KDM4C: variants seen among roughly 807,000 people sequenced by gnomAD.
KDM4C encodes the protein lysine-specific demethylase 4C.
A neutral mutation model predicts 129.3 loss-of-function variants in KDM4C; 81 were observed. The ratio of observed to expected loss-of-function variants is 0.63; its 90% CI spans 0.52 to 0.75. The LOEUF is 0.75. Ranked by LOEUF, KDM4C falls within the 30% of genes least tolerant of loss-of-function variation. The pLI is 0.00. For synonymous variants in KDM4C, 573 were observed against 456.1 expected, an observed-to-expected ratio of 1.26 and a Z score of -3.26; for missense variants, 1,457 against 1,304.0, an observed-to-expected ratio of 1.12 and a Z score of -1.81.
chr9:6,900,779 G>T (rs1290722801), intron 8 of KDM4C, among the ~76,000 whole-genome samples: 2 of 152,212 alleles, frequency 1.3e-5, no homozygotes, highest in Non-Finnish European at 2.9e-5. Flanking sequence ...GGCGGTAGGG[G>T]TGAGAGCAAA....
chr9:6,915,366 G>T lies in KDM4C; in HGVS notation c.921+22134G>T, dbSNP rs554693130. ...AAAGCATTAGGTAACAAAAGAAAAT[G>T]ACCTTCCTCTGAAGCAATCATTTTT... On this transcript the variant is annotated intron_variant, in intron 8 of 21. Coordinates refer to ENST00000381309, the MANE Select transcript of KDM4C (RefSeq NM_015061.6). Among the ~76,000 whole-genome samples the T allele has an allele frequency of 3.7e-4, 57 of 152,274 alleles. 1 individual carries two copies. In the South Asian group the frequency reaches 8.3e-3, roughly 22 times the overall value.
chr9:6,944,805 T>G (rs907665126), intron 8 of KDM4C, among the ~76,000 whole-genome samples: 9 of 152,078 alleles, frequency 5.9e-5, no homozygotes, highest in South Asian at 2.1e-4. Flanking sequence ...TGGTTTGGAT[T>G]GGATGCTGGC....
chr9:6,732,846 C>A (rs552456165), intron 1 of KDM4C, among the ~76,000 whole-genome samples: 2 of 152,210 alleles, frequency 1.3e-5, no homozygotes, highest in Admixed American at 1.3e-4. Context: ...AACCCTGTTT[C>A]TACTAAAAAT....
chr9:7,011,967 T>G, intron 13 of KDM4C, 88 bp downstream of exon 13: 1 of 1,124,572 alleles, frequency 8.9e-7, no homozygotes. Flanking sequence ...TGTTGTGGGC[T>G]TCCTTTGCAC....
chr9:7,043,206 A>G (rs570588557), intron 15 of KDM4C, among the ~76,000 whole-genome samples: 104 of 152,156 alleles, frequency 6.8e-4, no homozygotes, highest in African/African-American at 2.1e-3. Context: ...TAGGCTTTCA[A>G]TACATGTCTC....
intron 17 of KDM4C, among the ~76,000 whole-genome samples, chr9:7,065,613 C>G (rs1832315664): frequency 6.6e-6 from 1 of 152,176 alleles, no homozygotes; most frequent in African/African-American, 2.4e-5. Context: ...CCAGAGCTGA[C>G]TGAGCTTCAT....
At chr9:6,853,567 T>G (rs147902584) in intron 5 of KDM4C, among the ~76,000 whole-genome samples, 47 of 152,332 alleles carry the variant, frequency 3.1e-4, no homozygotes, top group Middle Eastern at 3.4e-3. Flanking sequence ...TGAGTTGCTA[T>G]ACATAGGAGA....
chr9:6,857,197 C>G (rs1017681040), intron 5 of KDM4C, among the ~76,000 whole-genome samples: 26 of 152,034 alleles, frequency 1.7e-4, no homozygotes, highest in Non-Finnish European at 2.9e-4. Flanking sequence ...CTTTGGGAGG[C>G]CAAGGCAGAA....
chr9:7,105,987 C>T (rs1837641472), intron 18 of KDM4C, among the ~76,000 whole-genome samples: 2 of 152,150 alleles, frequency 1.3e-5, no homozygotes, highest in South Asian at 4.1e-4. Flanking sequence ...TCACGTGAGG[C>T]AGCTTTTCCT....
intron 8 of KDM4C, 159 bp downstream of exon 8, chr9:6,893,391 C>T (rs889821891): frequency 8.6e-6 from 4 of 463,524 alleles, no homozygotes; most frequent in South Asian, 6.0e-5. Flanking sequence ...ATTTATTTTA[C>T]ATAGCCAATA....
chr9:6,833,413 C>T (rs944898771), intron 4 of KDM4C, among the ~76,000 whole-genome samples: 12 of 152,106 alleles, frequency 7.9e-5, no homozygotes, highest in African/African-American at 2.7e-4. Context: ...GTTTCTCCCT[C>T]CCTGATGATA....
Position 6,823,299 on chromosome 9 carries a change from C to A in KDM4C, c.435+8554C>A, listed in dbSNP as rs546709790. On this transcript the variant is annotated intron_variant, in intron 4 of 21. Transcript: ENST00000381309. ...TCAGTCTTCAGTGGCCCCTTGGAAC[C>A]AATGTTTTGCACCAAAAGGGGGTAG... Among the ~76,000 whole-genome samples, 5 of 152,264 alleles carry A rather than the reference C, an allele frequency of 3.3e-5. No homozygotes were observed. The East Asian group carries it at 9.7e-4, about 29-fold the overall frequency.
intron 12 of KDM4C, among the ~76,000 whole-genome samples, chr9:6,995,354 C>G (rs987453248): frequency 1.3e-5 from 2 of 150,992 alleles, no homozygotes; most frequent in African/African-American, 4.9e-5. Flanking sequence ...CAGGCACAGA[C>G]ACACACACAC....
intron 8 of KDM4C, among the ~76,000 whole-genome samples, chr9:6,973,199 A>G (rs1832301554): frequency 6.6e-6 from 1 of 152,098 alleles, no homozygotes; most frequent in African/African-American, 2.4e-5. Context: ...TTAGTGTTAA[A>G]TTTCTGCTGC....
chr9:6,964,740 C>A (rs1207096459), intron 8 of KDM4C, among the ~76,000 whole-genome samples: 10 of 148,346 alleles, frequency 6.7e-5, no homozygotes, highest in Non-Finnish European at 1.3e-4. Flanking sequence ...CGAGATCACG[C>A]CACTGCACTC....
chr9:7,089,498 A>C lies in KDM4C; in HGVS notation c.2425-14187A>C, dbSNP rs74326315. Among the ~76,000 whole-genome samples the C allele has an allele frequency of 7.0e-3, 1,069 of 152,330 alleles. 9 individuals carry two copies. The highest frequency in any genetic ancestry group is 0.024 in the African/African-American group (1,018 of 41,568). On this transcript the variant is annotated intron_variant, in intron 17 of 21. Coordinates refer to ENST00000381309, the MANE Select transcript of KDM4C (RefSeq NM_015061.6). Reference sequence around the variant, plus strand: ...GATTTTCTGAATTTTTCTACTTAATAATACATTTTAATGAGTCTTTGGGGG... The same window carrying C: ...GATTTTCTGAATTTTTCTACTTAATCATACATTTTAATGAGTCTTTGGGGG...
intron 18 of KDM4C, among the ~76,000 whole-genome samples, chr9:7,127,548 G>C (rs946947564): frequency 1.3e-5 from 2 of 152,112 alleles, no homozygotes; most frequent in Non-Finnish European, 2.9e-5. Context: ...CAAAGACAGA[G>C]GAAATGGTCC....
At chr9:6,896,733 C>G (rs1376942596) in intron 8 of KDM4C, among the ~76,000 whole-genome samples, 2 of 152,126 alleles carry the variant, frequency 1.3e-5, no homozygotes, top group African/African-American at 2.4e-5. Flanking sequence ...CTAGGCTTAT[C>G]TGCTGTGTGC....
At chr9:6,915,668 C>G (rs766012793) in intron 8 of KDM4C, among the ~76,000 whole-genome samples, 29 of 152,176 alleles carry the variant, frequency 1.9e-4, no homozygotes, top group South Asian at 1.5e-3. Flanking sequence ...TTTCTTTCCT[C>G]GAATGCTACA....
Sources: allele counts gnomAD v4.1 joint callset (sites outside exome capture counted in the v4.1 genomes callset), GRCh38; gene constraint gnomAD v4.1.1; transcripts MANE v1.5; gene names NCBI Gene and HGNC (gene_info 2026-07-23, HGNC 2026-07-21).